Variants in RAP1A observed in about 807,000 individuals in gnomAD.
The protein encoded by RAP1A is RAP1A, member of RAS oncogene family.
Under a neutral mutation model 26.4 loss-of-function variants are expected in RAP1A, and 6 were observed. That is an observed-to-expected ratio of 0.23 (90% confidence interval 0.12 to 0.45). The LOEUF is 0.45. Among genes scored for constraint, RAP1A ranks in the 20% least tolerant of loss-of-function variants. The pLI is 0.99. For missense variants in RAP1A, 121 were observed against 217.2 expected, an observed-to-expected ratio of 0.56 and a Z score of 2.78; for synonymous variants, 73 against 79.4, an observed-to-expected ratio of 0.92 and a Z score of 0.43.
intron 1 of RAP1A, among the ~76,000 whole-genome samples, chr1:111,634,769 T>C (rs492824): frequency 0.88 from 133,853 of 151,812 alleles, 59,339 homozygotes; most frequent in African/African-American, 0.97. Flanking sequence ...CTCAGCCTCC[T>C]GAGTAGCTGG....
intron 1 of RAP1A, among the ~76,000 whole-genome samples, chr1:111,597,060 G>T (rs1279491294): frequency 6.6e-6 from 1 of 152,178 alleles, no homozygotes; most frequent in East Asian, 1.9e-4. Context: ...TATTCCTCAA[G>T]ATGTGTGGTC....
chr1:111,686,920 A>G (rs945569665), intron 1 of RAP1A, among the ~76,000 whole-genome samples: 1 of 151,970 alleles, frequency 6.6e-6, no homozygotes, highest in Non-Finnish European at 1.5e-5. Context: ...GAATGCAGGC[A>G]ACAAAACACA....
intron 5 of RAP1A, 141 bp from the exon 6 acceptor site, chr1:111,704,202 A>G (rs1662115833): frequency 1.4e-6 from 1 of 740,560 alleles, no homozygotes; most frequent in South Asian, 3.2e-5. Flanking sequence ...CCCTCAACAT[A>G]TACTTTTCGT....
Position 111,714,152 on chromosome 1 carries a change from TTTTG to T in RAP1A, c.*1755_*1758del, listed in dbSNP as rs1461787536. The T allele has an allele frequency of 2.0e-5, 3 of 152,182 alleles. No individual in the cohort carries two copies. Among genetic ancestry groups the T allele is most frequent in the Admixed American group, 1.3e-4 (2 of 15,278 alleles). 9.4% of individuals were successfully genotyped at this position (152,182 alleles called of 1,614,324 possible). A position where few individuals can be genotyped will look rare whatever the true frequency, so the allele number is the denominator to read the frequency against. On this transcript the variant is annotated 3_prime_UTR_variant, in exon 8 of 8. Coordinates refer to ENST00000369709, the MANE Select transcript of RAP1A (RefSeq NM_002884.4). ...AAATGGAAATTTTTTTTGTTTGTGT[TTTTG>T]TTTTAGTTTCGAATAAACTTAGTTA...
intron 1 of RAP1A, among the ~76,000 whole-genome samples, chr1:111,549,832 T>C (rs1657190516): frequency 6.6e-6 from 1 of 152,062 alleles, no homozygotes; most frequent in African/African-American, 2.4e-5. Flanking sequence ...TTAAATTTTT[T>C]TGTAGAGACA....
At chr1:111,572,960 T>C (rs558679380) in intron 1 of RAP1A, among the ~76,000 whole-genome samples, 120 of 152,338 alleles carry the variant, frequency 7.9e-4, no homozygotes, top group Non-Finnish European at 9.4e-4. Flanking sequence ...CCATGTGTTC[T>C]CATCATTTAG....
intron 1 of RAP1A, among the ~76,000 whole-genome samples, chr1:111,624,173 A>G (rs1659318502): frequency 6.6e-6 from 1 of 152,248 alleles, no homozygotes; most frequent in African/African-American, 2.4e-5. Flanking sequence ...GCCTATTTCC[A>G]AGAATTTTTT....
chr1:111,576,126 G>A (rs1046318893), intron 1 of RAP1A, among the ~76,000 whole-genome samples: 2 of 152,156 alleles, frequency 1.3e-5, no homozygotes, highest in Admixed American at 6.5e-5. Context: ...AAGTGCATAT[G>A]GATCACCTGG....
intron 1 of RAP1A, among the ~76,000 whole-genome samples, chr1:111,644,482 T>G (rs1660004098): frequency 6.6e-6 from 1 of 152,020 alleles, no homozygotes; most frequent in Non-Finnish European, 1.5e-5. Context: ...GTAGGCTGAG[T>G]TTAGGTCACA....
At chr1:111,566,599 A>T (rs961109453) in intron 1 of RAP1A, among the ~76,000 whole-genome samples, 3 of 152,216 alleles carry the variant, frequency 2.0e-5, no homozygotes, top group Admixed American at 6.5e-5. Flanking sequence ...TTTGTCTTTG[A>T]TTAGTATAAT....
chr1:111,596,125 A>C (rs1021531400), intron 1 of RAP1A, among the ~76,000 whole-genome samples: 3 of 152,222 alleles, frequency 2.0e-5, no homozygotes, highest in African/African-American at 7.2e-5. Context: ...TGCAATTTTA[A>C]AAAAGAGTTA....
chr1:111,706,936 A>AT (rs1403548189), intron 6 of RAP1A, among the ~76,000 whole-genome samples: 1 of 152,174 alleles, frequency 6.6e-6, no homozygotes. Flanking sequence ...TACTTTTATT[A>AT]TTTTTTTATC....
chr1:111,657,557 C>T (rs1660501206), intron 1 of RAP1A, among the ~76,000 whole-genome samples: 1 of 152,044 alleles, frequency 6.6e-6, no homozygotes, highest in Admixed American at 6.6e-5. Context: ...TATCTTTCCT[C>T]CTATGTTTTC....
rs773470455 is a variant in RAP1A, at chr1:111,648,206, T to TGTGTGTGTA, written c.-28+28272_-28+28273insGTGTGTGTA. The TGTGTGTGTA allele has an allele frequency of 8.3e-3, 1,181 of 142,530 alleles. 11 individuals carry two copies. The highest frequency in any genetic ancestry group is 0.044 in the African/African-American group (962 of 21,708). 8.8% of individuals were successfully genotyped at this position (142,530 alleles called of 1,614,324 possible). A position where few individuals can be genotyped will look rare whatever the true frequency, so the allele number is the denominator to read the frequency against. ...GTGTGTGTGTGTGTGTGTGTGTGTATTTTTTTTTTTTTGACTTCCAGTGAC... is the reference window on the plus strand; with the variant it reads ...GTGTGTGTGTGTGTGTGTGTGTGTATGTGTGTGTATTTTTTTTTTTTGACTTCCAGTGAC... On this transcript the variant is annotated intron_variant, in intron 1 of 7. Transcript: ENST00000369709.
intron 4 of RAP1A, among the ~76,000 whole-genome samples, chr1:111,699,988 T>C (rs1165405679): frequency 6.6e-6 from 1 of 152,186 alleles, no homozygotes; most frequent in African/African-American, 2.4e-5. Flanking sequence ...CCTTTATTCA[T>C]TTGGCTTCCA....
chr1:111,551,395 T>C (rs1400188093), intron 1 of RAP1A, among the ~76,000 whole-genome samples: 1 of 152,202 alleles, frequency 6.6e-6, no homozygotes, highest in Non-Finnish European at 1.5e-5. Flanking sequence ...CCATTTCTTT[T>C]ACTACATACT....
chr1:111,580,286 G>T (rs942528295), intron 1 of RAP1A, among the ~76,000 whole-genome samples: 1 of 152,102 alleles, frequency 6.6e-6, no homozygotes, highest in Admixed American at 6.5e-5. Context: ...TATTTGCATC[G>T]CCAGGATCTA....
rs397981230 is a variant in RAP1A, at chr1:111,555,362, T to TAAAAAAAAAA, written c.-28+12873_-28+12882dup. On this transcript the variant is annotated intron_variant, in intron 1 of 7. Transcript: ENST00000356415. The stretch of plus-strand genomic sequence containing the variant: ...GCCTGGGTGACAGACTGAGACTCTG[T>TAAAAAAAAAA]AAAAAAAAAAAAAAAAAAAAAAAAA... Among the ~76,000 whole-genome samples, 75 of 47,640 alleles carry TAAAAAAAAAA rather than the reference T, an allele frequency of 1.6e-3. 2 individuals are homozygous for TAAAAAAAAAA. Among genetic ancestry groups the TAAAAAAAAAA allele is most frequent in the African/African-American group, 7.9e-3 (66 of 8,386 alleles). The allele number at this position is 47,640 out of a possible 152,430, so 31.3% of individuals were successfully genotyped here.
rs538041053 is a variant in RAP1A at position 111,598,007 on chromosome 1, G to C, written c.-28+55498G>C. Reference sequence around the variant, plus strand: ...GAGCCTCAGTTAGGTGCCACTCTTTGCTAAGTGTTTCACATATATTATTTC... The same window carrying C: ...GAGCCTCAGTTAGGTGCCACTCTTTCCTAAGTGTTTCACATATATTATTTC... On this transcript the variant is annotated intron_variant, in intron 1 of 7. Coordinates refer to the RAP1A transcript ENST00000356415. Among the ~76,000 whole-genome samples, 67 of 152,324 alleles carry C rather than the reference G, an allele frequency of 4.4e-4. 1 individual carries two copies. Among genetic ancestry groups the C allele is most frequent in the African/African-American group, 1.4e-3 (60 of 41,562 alleles).
Sources: allele counts gnomAD v4.1 joint callset (sites outside exome capture counted in the v4.1 genomes callset), GRCh38; gene constraint gnomAD v4.1.1; transcripts MANE v1.5; gene names NCBI Gene and HGNC (gene_info 2026-07-23, HGNC 2026-07-21).